Variants in RNF17 observed in about 807,000 individuals in gnomAD.
RNF17 encodes spermatogenesis associated 23.
RNF17 carries 31 observed loss-of-function variants against 200.5 expected under a neutral mutation model. The observed-to-expected ratio is 0.15, with a 90% CI of 0.12 to 0.21. RNF17 has a LOEUF of 0.21. Ranked by LOEUF, RNF17 falls within the 10% of genes least tolerant of loss-of-function variation. The probability of loss-of-function intolerance (pLI) is 1.00; values close to 1 mark genes in which losing one functional copy is unlikely to be tolerated. For missense variants in RNF17, 1,628 were observed against 1,905.1 expected (o/e 0.85, Z 2.71); for synonymous variants, 606 against 637.8 (o/e 0.95, Z 0.75).
At chr13:24,811,735 CA>C (rs1868507170) in intron 15 of RNF17, among the ~76,000 whole-genome samples, 1 of 90,790 alleles carries the variant, frequency 1.1e-5, no homozygotes, top group South Asian at 3.1e-4. Flanking sequence ...TTAGAGTTTC[CA>C]GTTTTTCTGC....
chr13:24,784,622 AGTT>A (rs1389434564), intron 6 of RNF17, among the ~76,000 whole-genome samples: 1 of 152,142 alleles, frequency 6.6e-6, no homozygotes, highest in Non-Finnish European at 1.5e-5. Context: ...ATTTGTGTAC[AGTT>A]GTTCATAATA....
chr13:24,830,416 A>C, intron 16 of RNF17, 68 bp from the exon 17 acceptor site: 2 of 912,292 alleles, frequency 2.2e-6, no homozygotes, highest in Admixed American at 2.2e-5. Context: ...TTGGCCATAA[A>C]CCAATCTAAA....
chr13:24,855,963 A>G (rs1297394660), intron 25 of RNF17, among the ~76,000 whole-genome samples: 22 of 152,154 alleles, frequency 1.4e-4, no homozygotes, highest in Admixed American at 1.4e-3. Flanking sequence ...ATAGTTCTTA[A>G]TATATCCTGA....
At chr13:24,783,464 A>T (rs1235788470) in intron 6 of RNF17, among the ~76,000 whole-genome samples, 1 of 152,166 alleles carries the variant, frequency 6.6e-6, no homozygotes, top group Non-Finnish European at 1.5e-5. Context: ...TGAATTGTAG[A>T]TCACTTTGTG....
chr13:24,818,647 G>C (rs1328878064), intron 15 of RNF17, among the ~76,000 whole-genome samples: 1 of 152,024 alleles, frequency 6.6e-6, no homozygotes, highest in Non-Finnish European at 1.5e-5. Context: ...TTTCTCTCTT[G>C]TAAGAATTTT....
chr13:24,759,878 C>T (rs577571782), upstream of RNF17, among the ~76,000 whole-genome samples: 5 of 152,262 alleles, frequency 3.3e-5, no homozygotes, highest in East Asian at 9.6e-4. Context: ...CGGTGGCTCA[C>T]GCCTGTAATC....
In RNF17 at chr13:24,868,666, C is replaced by T. The variant is rs774147952; in HGVS notation, c.4228C>T (p.Pro1410Ser). The change falls in exon 31 of 36, where the codon CCA (proline) becomes TCA (serine). Residue 1410 changes from proline (P) to serine (S), a missense_variant. Coordinates refer to ENST00000255324, the MANE Select transcript of RNF17 (RefSeq NM_031277.3). ...ATATTTGTCTTCATCTCTGCCTTCC[C>T]CAGGAGAACTCTATGCTGTTCAAGT... ...PPYLSSSLPS[P>S]GELYAVQVKH... 3.7e-6 allele frequency: 6 copies of T among 1,609,394 alleles called. No individual in the cohort carries two copies. Among genetic ancestry groups the T allele is most frequent in the Non-Finnish European group, 5.1e-6 (6 of 1,176,010 alleles).
Position 24,842,156 on chromosome 13 carries a change from A to G in RNF17, c.2598A>G (p.Glu866=). The change falls in exon 19 of 36, where the codon GAA becomes GAG. Residue 866 remains glutamate (E), a synonymous_variant. Coordinates refer to ENST00000255324, the MANE Select transcript of RNF17 (RefSeq NM_031277.3). ...TTAAAGAGGGCCTAGCATCTTATGA[A>G]ATAGGGTAAGTAGATATGTAAACTT... ...QLVKEGLASY[E]IGYILKDNSQ... is the part of the protein sequence containing the mutation. The G allele has an allele frequency of 1.9e-6, 3 of 1,599,048 alleles. No individual in the cohort carries two copies. In the South Asian group the frequency reaches 3.4e-5, roughly 18 times the overall value.
At chr13:24,781,491 T>C (rs1019413281) in intron 5 of RNF17, among the ~76,000 whole-genome samples, 8 of 151,398 alleles carry the variant, frequency 5.3e-5, no homozygotes, top group South Asian at 2.1e-4. Context: ...AAAAAATTAG[T>C]TGGACATGGG....
At chr13:24,830,826 T>A (rs1417053359) in intron 17 of RNF17, among the ~76,000 whole-genome samples, 1 of 152,230 alleles carries the variant, frequency 6.6e-6, no homozygotes, top group Non-Finnish European at 1.5e-5. Flanking sequence ...TAAGTACTTG[T>A]TGGCAGCTTT....
intron 22 of RNF17, among the ~76,000 whole-genome samples, chr13:24,849,850 CA>C (rs1051762233): frequency 1.3e-4 from 20 of 152,178 alleles, no homozygotes; most frequent in Admixed American, 1.2e-3. Context: ...AAAGAACTTC[CA>C]AAGATGGGCA....
rs377382558 is a variant in RNF17, at chr13:24,868,756, A to G, written c.4278+40A>G. The G allele has an allele frequency of 2.8e-6, 3 of 1,070,752 alleles. No homozygotes were observed. In the African/African-American group the frequency reaches 4.7e-5, roughly 17 times the overall value. 66.3% of individuals were successfully genotyped at this position (1,070,752 alleles called of 1,614,324 possible). A position where few individuals can be genotyped will look rare whatever the true frequency, so the allele number is the denominator to read the frequency against. On this transcript the variant is annotated intron_variant, in intron 31 of 35. Transcript: ENST00000255324. ...TGATTAGTTGGTGATTAAAAATGTAACAAGCTGTCTTGGTCTTAAACACTA... is the reference window on the plus strand; with the variant it reads ...TGATTAGTTGGTGATTAAAAATGTAGCAAGCTGTCTTGGTCTTAAACACTA...
At chr13:24,840,250 C>G (rs1299866546) in intron 18 of RNF17, among the ~76,000 whole-genome samples, 1 of 152,108 alleles carries the variant, frequency 6.6e-6, no homozygotes. Context: ...GTGGGGTGAA[C>G]AGGGAACACT....
the RNF17 span, among the ~76,000 whole-genome samples, chr13:24,749,307 C>CTTTCTTTCTTT: frequency 1.9e-5 from 2 of 108,032 alleles, no homozygotes; most frequent in Non-Finnish European, 3.5e-5. Context: ...TTCTTTCTTT[C>CTTTCTTTCTTT]TTTTTTTTTT....
At chr13:24,768,116 C>T (rs1203096727) in intron 2 of RNF17, among the ~76,000 whole-genome samples, 1 of 151,984 alleles carries the variant, frequency 6.6e-6, no homozygotes, top group Non-Finnish European at 1.5e-5. Context: ...AAACTACTGC[C>T]TAAAATTTTT....
chr13:24,866,270 A>G, intron 30 of RNF17, 67 bp downstream of exon 30: 1 of 815,708 alleles, frequency 1.2e-6, no homozygotes, highest in Non-Finnish European at 2.1e-6. Flanking sequence ...CTGATACAGG[A>G]CAGAAAGCTC....
rs375364702 is a variant in RNF17, at chr13:24,849,805, T to A, written c.3102-536T>A. Among the ~76,000 whole-genome samples the A allele has an allele frequency of 2.0e-5, 3 of 152,204 alleles. No individual in the cohort carries two copies. In the East Asian group the frequency reaches 5.8e-4, roughly 29 times the overall value. On this transcript the variant is annotated intron_variant, in intron 22 of 35. Coordinates refer to ENST00000255324, the MANE Select transcript of RNF17 (RefSeq NM_031277.3). ...ATTAAAATTTCTGGTATTTCTATTA[T>A]TTATGGGTAGCAATTCAAGTTAGAT...
intron 24 of RNF17, among the ~76,000 whole-genome samples, chr13:24,852,553 T>C (rs1892056278): frequency 6.6e-6 from 1 of 152,164 alleles, no homozygotes; most frequent in South Asian, 2.1e-4. Context: ...TGCCTTAACT[T>C]ATATCTTACC....
Position 24,866,148 on chromosome 13 carries a change from C to G in RNF17, c.4106C>G (p.Pro1369Arg), listed in dbSNP as rs780517810. ...CTCAATACCATATTATTTCAGAAAC[C>G]AAGATCAGATCATGATAAAAAGTAT... Reference protein sequence around the residue: ...EHTEEMLKEKPRSDHDKKYEE... With the variant: ...EHTEEMLKEKRRSDHDKKYEE... Residue 1369 changes from proline to arginine, a missense_variant, in exon 30 of 36, where the codon CCA becomes CGA. This residue lies in a region of RNF17 where 609 missense variants were observed against 681.9 expected (regional missense o/e 0.89). Transcript: ENST00000255324. 6.6e-7 allele frequency: 1 copy of G among 1,506,304 alleles called. No individual in the cohort carries two copies. Among genetic ancestry groups the G allele is most frequent in the Non-Finnish European group, 9.2e-7 (1 of 1,086,602 alleles). The allele number at this position is 1,506,304 out of a possible 1,614,324, so 93.3% of individuals were successfully genotyped here.
Sources: gnomAD v4.1 joint callset for allele counts (sites outside exome capture counted in the v4.1 genomes callset) on GRCh38, gnomAD v4.1.1 for gene constraint, gnomAD v4.1.1 regional missense constraint, MANE v1.5 for transcripts, NCBI Gene and HGNC (gene_info 2026-07-23, HGNC 2026-07-21) for gene names.